Variants in C8orf34 observed in about 807,000 individuals in gnomAD.
The protein encoded by C8orf34 is chromosome 8 open reading frame 34.
C8orf34 carries 65 observed loss-of-function variants against 68.3 expected under a neutral mutation model. The observed-to-expected ratio is 0.95, with a 90% CI of 0.78 to 1.17. C8orf34 has a LOEUF of 1.17. Ranked by LOEUF, C8orf34 falls within the 50% of genes most tolerant of loss-of-function variation. C8orf34 has a pLI of 0.00. For synonymous variants in C8orf34, 244 were observed against 241.2 expected, an observed-to-expected ratio of 1.01 and a Z score of -0.11; for missense variants, 664 against 655.4, an observed-to-expected ratio of 1.01 and a Z score of -0.14.
rs112388945 is a variant in C8orf34, at chr8:68,330,991, C to A, written c.-22C>A. 5.3e-4 allele frequency: 737 copies of A among 1,382,648 alleles called. 3 individuals are homozygous for A. In the African/African-American group the frequency reaches 0.011, roughly 20 times the overall value. 85.6% of individuals were successfully genotyped at this position (1,382,648 alleles called of 1,614,324 possible). A position where few individuals can be genotyped will look rare whatever the true frequency, so the allele number is the denominator to read the frequency against. On this transcript the variant is annotated 5_prime_UTR_variant, in exon 1 of 14. Coordinates refer to ENST00000518698, the MANE Select transcript of C8orf34 (RefSeq NM_052958.4). Reference sequence around the variant, plus strand: ...CGCTGCGGAGAGCGGCGAGGGTGGGCGCGAGGCGGAGAACGCGATGAATGA... The same window carrying A: ...CGCTGCGGAGAGCGGCGAGGGTGGGAGCGAGGCGGAGAACGCGATGAATGA...
At position 68,373,501 on chromosome 8, in the gene C8orf34, G is replaced by A. The variant is rs576694243; in HGVS notation, c.327+42162G>A. ...GTCCCCCTTAACCAACAAGCCCTGTGCAGATGTATGTAGAGCCTCATATTT... is the reference window on the plus strand; with the variant it reads ...GTCCCCCTTAACCAACAAGCCCTGTACAGATGTATGTAGAGCCTCATATTT... On this transcript the variant is annotated intron_variant, in intron 1 of 13. Transcript: ENST00000518698. 3.3e-5 allele frequency among the ~76,000 whole-genome samples: 5 copies of A among 152,254 alleles called. No homozygotes were observed. The South Asian group carries it at 8.3e-4, about 25-fold the overall frequency.
chr8:68,539,351 T>C (rs1438037381), intron 7 of C8orf34, among the ~76,000 whole-genome samples: 1 of 152,222 alleles, frequency 6.6e-6, no homozygotes, highest in Non-Finnish European at 1.5e-5. Context: ...TGTAGTTTTA[T>C]TCGTGGTTGA....
intron 1 of C8orf34, among the ~76,000 whole-genome samples, chr8:68,352,378 CAT>C (rs767778399): frequency 6.0e-5 from 9 of 151,064 alleles, no homozygotes; most frequent in East Asian, 1.9e-4. Context: ...AAACTGGAAA[CAT>C]GTGCTCTTGC....
chr8:68,490,674 T>C (rs929067902), intron 5 of C8orf34, among the ~76,000 whole-genome samples: 2 of 151,372 alleles, frequency 1.3e-5, no homozygotes, highest in African/African-American at 4.8e-5. Flanking sequence ...AAAGTTGTCA[T>C]AAATAACTTT....
intron 7 of C8orf34, among the ~76,000 whole-genome samples, chr8:68,594,082 A>T (rs777510841): frequency 4.6e-5 from 7 of 152,076 alleles, no homozygotes; most frequent in Non-Finnish European, 8.8e-5. Flanking sequence ...GCCATAGAGT[A>T]TTCATTGGTA....
At chr8:68,436,272 A>G (rs1296112179) in intron 1 of C8orf34, among the ~76,000 whole-genome samples, 6 of 152,130 alleles carry the variant, frequency 3.9e-5, no homozygotes, top group Admixed American at 1.3e-4. Flanking sequence ...TGAGTGTCTA[A>G]TCACTAGTTT....
At chr8:68,464,623 C>A (rs1288559848) in intron 3 of C8orf34, among the ~76,000 whole-genome samples, 1 of 152,020 alleles carries the variant, frequency 6.6e-6, no homozygotes, top group African/African-American at 2.4e-5. Context: ...TGGAACAGAA[C>A]AGAGCCCTCA....
intron 11 of C8orf34, among the ~76,000 whole-genome samples, chr8:68,782,521 A>G (rs1182146236): frequency 1.8e-5 from 2 of 110,536 alleles, no homozygotes; most frequent in African/African-American, 1.2e-4. Context: ...ACCTAGATAG[A>G]TACTACTTAT....
chr8:68,360,174 T>C (rs1806923413), intron 1 of C8orf34, among the ~76,000 whole-genome samples: 1 of 152,202 alleles, frequency 6.6e-6, no homozygotes, highest in Non-Finnish European at 1.5e-5. Flanking sequence ...CAGATCCTTC[T>C]AATGAGTTCT....
chr8:68,795,188 C>G (rs1824142088), intron 12 of C8orf34, among the ~76,000 whole-genome samples: 1 of 152,050 alleles, frequency 6.6e-6, no homozygotes, highest in Non-Finnish European at 1.5e-5. Flanking sequence ...CATTTGGTGA[C>G]CCATCATTCT....
intron 8 of C8orf34, among the ~76,000 whole-genome samples, chr8:68,662,614 C>T (rs1339855311): frequency 6.6e-6 from 1 of 152,168 alleles, no homozygotes; most frequent in East Asian, 1.9e-4. Flanking sequence ...GATTGTGCAG[C>T]CTCTCCAGCT....
chr8:68,418,203 A>G (rs940504364), intron 1 of C8orf34, among the ~76,000 whole-genome samples: 36 of 141,586 alleles, frequency 2.5e-4, no homozygotes, highest in Non-Finnish European at 9.2e-5. Context: ...GGCTGAGACA[A>G]TGGGGTTTTC....
intron 1 of C8orf34, among the ~76,000 whole-genome samples, chr8:68,398,449 C>G (rs552393158): frequency 1.3e-5 from 2 of 152,162 alleles, no homozygotes; most frequent in Admixed American, 1.3e-4. Flanking sequence ...GGACAAAATA[C>G]AGTTTACTAA....
chr8:68,793,797 C>G (rs544427885), intron 12 of C8orf34, among the ~76,000 whole-genome samples: 1 of 151,926 alleles, frequency 6.6e-6, no homozygotes, highest in Admixed American at 6.6e-5. Context: ...GCCCATGCAC[C>G]CTGAACTTGA....
intron 8 of C8orf34, among the ~76,000 whole-genome samples, chr8:68,646,578 A>G (rs754000482): frequency 3.5e-4 from 53 of 152,250 alleles, no homozygotes; most frequent in Admixed American, 7.2e-4. Flanking sequence ...CCTTCTGTCT[A>G]ACTGAAATTT....
chr8:68,351,642 G>A (rs1806517569), intron 1 of C8orf34, among the ~76,000 whole-genome samples: 1 of 152,012 alleles, frequency 6.6e-6, no homozygotes, highest in Non-Finnish European at 1.5e-5. Flanking sequence ...ACTTCTCAAA[G>A]GTTTTGTTCA....
At chr8:68,503,226 A>C (rs532266717) in intron 5 of C8orf34, among the ~76,000 whole-genome samples, 52 of 152,336 alleles carry the variant, frequency 3.4e-4, no homozygotes, top group Middle Eastern at 3.4e-3. Context: ...AAAACTAATT[A>C]AATATTTGTT....
At chr8:68,715,893 T>C (rs893582368) in intron 9 of C8orf34, among the ~76,000 whole-genome samples, 6 of 152,128 alleles carry the variant, frequency 3.9e-5, no homozygotes, top group Non-Finnish European at 8.8e-5. Context: ...TAATTTGCAA[T>C]TGCAAAAATA....
intron 11 of C8orf34, among the ~76,000 whole-genome samples, chr8:68,780,037 A>G (rs1356801558): frequency 6.6e-6 from 1 of 152,122 alleles, no homozygotes; most frequent in Non-Finnish European, 1.5e-5. Flanking sequence ...AAAGAATTAA[A>G]CCCTCACTTA....
Sources: allele counts gnomAD v4.1 joint callset (sites outside exome capture counted in the v4.1 genomes callset), GRCh38; gene constraint gnomAD v4.1.1; transcripts MANE v1.5; gene names NCBI Gene and HGNC (gene_info 2026-07-23, HGNC 2026-07-21).